TAFA1: variants seen among roughly 807,000 people sequenced by gnomAD.
TAFA1 encodes the protein chemokine-like protein TAFA-1.
TAFA1 carries 4 observed loss-of-function variants against 18.5 expected under a neutral mutation model. That is an observed-to-expected ratio of 0.22 (90% CI 0.11 to 0.49). The LOEUF (loss-of-function observed/expected upper bound fraction) is 0.49. TAFA1 is among the 20% of genes least tolerant of loss of function. The pLI, the probability that TAFA1 is intolerant of heterozygous loss-of-function variation, is 0.98. For synonymous variants in TAFA1, 56 were observed against 55.2 expected (o/e 1.01, Z -0.06); for missense variants, 147 against 169.0 (o/e 0.87, Z 0.72).
At chr3:68,372,532 G>T (rs1000188129) in intron 2 of TAFA1, among the ~76,000 whole-genome samples, 1 of 152,118 alleles carries the variant, frequency 6.6e-6, no homozygotes, top group Non-Finnish European at 1.5e-5. Flanking sequence ...CTGGGCATGT[G>T]GTCAAAATGC....
intron 2 of TAFA1, among the ~76,000 whole-genome samples, chr3:68,325,084 G>GTC (rs925651003): frequency 6.6e-6 from 1 of 152,038 alleles, no homozygotes; most frequent in Non-Finnish European, 1.5e-5. Context: ...GAGTGTGTCT[G>GTC]TCTCTCTCTC....
At chr3:68,211,154 AC>A (rs1419423557) in intron 2 of TAFA1, among the ~76,000 whole-genome samples, 4 of 152,022 alleles carry the variant, frequency 2.6e-5, no homozygotes, top group Non-Finnish European at 5.9e-5. Flanking sequence ...GAAATCATGC[AC>A]CATCATTTCT....
At chr3:68,162,740 T>C (rs2065940616) in intron 2 of TAFA1, among the ~76,000 whole-genome samples, 1 of 152,216 alleles carries the variant, frequency 6.6e-6, no homozygotes, top group Non-Finnish European at 1.5e-5. Context: ...CCAAGTGAAA[T>C]ATTTTAAGCC....
intron 2 of TAFA1, among the ~76,000 whole-genome samples, chr3:68,084,793 G>A (rs758493915): frequency 2.0e-5 from 3 of 146,852 alleles, no homozygotes; most frequent in Non-Finnish European, 4.5e-5. Context: ...GCAAGACTCC[G>A]TCTAAAAAAA....
intron 2 of TAFA1, among the ~76,000 whole-genome samples, chr3:68,077,894 C>T (rs2064847410): frequency 6.6e-6 from 1 of 151,218 alleles, no homozygotes; most frequent in Admixed American, 6.6e-5. Context: ...TGTAAATTAC[C>T]TTGGGCAGTA....
intron 2 of TAFA1, among the ~76,000 whole-genome samples, chr3:68,116,646 A>G (rs924541442): frequency 2.6e-5 from 4 of 152,176 alleles, no homozygotes; most frequent in Non-Finnish European, 4.4e-5. Flanking sequence ...AAATTTGTCA[A>G]TATCGCATGA....
At chr3:68,281,442 G>T (rs2067895365) in intron 2 of TAFA1, among the ~76,000 whole-genome samples, 1 of 149,054 alleles carries the variant, frequency 6.7e-6, no homozygotes, top group Non-Finnish European at 1.5e-5. Context: ...GTTTGATTTT[G>T]CTGGGCACCA....
intron 2 of TAFA1, among the ~76,000 whole-genome samples, chr3:68,307,553 A>C (rs190590983): frequency 6.6e-6 from 1 of 152,178 alleles, no homozygotes; most frequent in African/African-American, 2.4e-5. Context: ...TACTGTATAT[A>C]TGGCTTTGTC....
chr3:68,452,440 G>T (rs1028345030), intron 3 of TAFA1, among the ~76,000 whole-genome samples: 9 of 144,896 alleles, frequency 6.2e-5, no homozygotes, highest in South Asian at 2.2e-4. Context: ...GGAGAATCGC[G>T]CAAACCCAGG....
intron 3 of TAFA1, among the ~76,000 whole-genome samples, chr3:68,535,984 T>C (rs1575960125): frequency 6.6e-6 from 1 of 152,174 alleles, no homozygotes; most frequent in Non-Finnish European, 1.5e-5. Context: ...TTTGTGGCAA[T>C]TGCAAGCCAT....
At chr3:68,339,605 T>C (rs1396763494) in intron 2 of TAFA1, among the ~76,000 whole-genome samples, 2 of 152,274 alleles carry the variant, frequency 1.3e-5, no homozygotes, top group Non-Finnish European at 2.9e-5. Flanking sequence ...AATCCTTTTG[T>C]TCTAGATAGA....
intron 2 of TAFA1, among the ~76,000 whole-genome samples, chr3:68,390,787 C>T (rs1438661937): frequency 3.3e-5 from 5 of 152,192 alleles, no homozygotes; most frequent in African/African-American, 1.2e-4. Flanking sequence ...AGAAGAAAAA[C>T]TAGCAAACAG....
At chr3:67,999,949 C>A (rs947305076), upstream of TAFA1, among the ~76,000 whole-genome samples, 1 of 152,044 alleles carries the variant, frequency 6.6e-6, no homozygotes, top group Non-Finnish European at 1.5e-5. Context: ...CCACCATACC[C>A]AGATAATTTT....
At chr3:68,136,732 A>G (rs1387711197) in intron 2 of TAFA1, among the ~76,000 whole-genome samples, 1 of 152,162 alleles carries the variant, frequency 6.6e-6, no homozygotes, top group Non-Finnish European at 1.5e-5. Context: ...CTTTTGCTTA[A>G]TTTGCATCCT....
intron 2 of TAFA1, among the ~76,000 whole-genome samples, chr3:68,349,706 C>T (rs941621758): frequency 6.6e-6 from 1 of 152,172 alleles, no homozygotes; most frequent in Admixed American, 6.6e-5. Flanking sequence ...AAGCAATATG[C>T]AAATGAATGG....
At chr3:68,303,867 T>A (rs1221761156) in intron 2 of TAFA1, among the ~76,000 whole-genome samples, 1 of 151,894 alleles carries the variant, frequency 6.6e-6, no homozygotes, top group African/African-American at 2.4e-5. Flanking sequence ...CTTTTCCTTA[T>A]CAAAAAAAAA....
rs186631696 is a variant in TAFA1, at chr3:68,414,022, C to T, written c.119-3258C>T. Among the ~76,000 whole-genome samples, 78 of 152,046 alleles carry T rather than the reference C, an allele frequency of 5.1e-4. 1 individual carries two copies. The South Asian group carries it at 0.014, about 26-fold the overall frequency. ...AAGGAGAGAGAGAGTCATAACAAAT[C>T]GGCTGGGCACGGTGGCTCACACCAG... On this transcript the variant is annotated intron_variant, in intron 2 of 4. Coordinates refer to ENST00000478136, the MANE Select transcript of TAFA1 (RefSeq NM_213609.4).
intron 2 of TAFA1, among the ~76,000 whole-genome samples, chr3:68,015,346 G>A (rs946330619): frequency 6.6e-6 from 1 of 151,478 alleles, no homozygotes; most frequent in Non-Finnish European, 1.5e-5. Flanking sequence ...GAGTGCAATG[G>A]CATGCTCTCG....
chr3:68,200,616 T>C (rs1260911334), intron 2 of TAFA1, among the ~76,000 whole-genome samples: 2 of 151,646 alleles, frequency 1.3e-5, no homozygotes, highest in Admixed American at 6.6e-5. Flanking sequence ...TTTGTGAGCA[T>C]TGAGTTGTAC....
Sources: gnomAD v4.1 joint callset for allele counts (sites outside exome capture counted in the v4.1 genomes callset) on GRCh38, gnomAD v4.1.1 for gene constraint, MANE v1.5 for transcripts, NCBI Gene and HGNC (gene_info 2026-07-23, HGNC 2026-07-21) for gene names.